DNAJC25: variants seen among roughly 807,000 people sequenced by gnomAD.
The protein encoded by DNAJC25 is DnaJ heat shock protein family (Hsp40) member C25, also known as dnaJ homolog subfamily C member 25.
DNAJC25 carries 26 observed loss-of-function variants against 42.1 expected under a neutral mutation model. That is an observed-to-expected ratio of 0.62 (90% CI 0.45 to 0.86). The LOEUF is 0.86. Ranked by LOEUF, DNAJC25 falls within the 40% of genes least tolerant of loss-of-function variation. DNAJC25 has a pLI of 0.00. For synonymous variants in DNAJC25, 189 were observed against 179.9 expected, an observed-to-expected ratio of 1.05 and a Z score of -0.40; for missense variants, 404 against 459.4, an observed-to-expected ratio of 0.88 and a Z score of 1.10.
chr9:111,633,303 A>C (rs1300273767), intron 1 of DNAJC25, among the ~76,000 whole-genome samples: 2 of 152,158 alleles, frequency 1.3e-5, no homozygotes, highest in African/African-American at 4.8e-5. Flanking sequence ...CGAGATGGTA[A>C]TAAGGTTGTG....
chr9:111,648,677 T>A (rs988455384), intron 2 of DNAJC25, among the ~76,000 whole-genome samples: 1 of 152,188 alleles, frequency 6.6e-6, no homozygotes, highest in African/African-American at 2.4e-5. Context: ...AGAGCAGGGA[T>A]AATTTTACTT....
chr9:111,652,602 C>A (rs1830680316), intron 3 of DNAJC25, among the ~76,000 whole-genome samples: 1 of 150,200 alleles, frequency 6.7e-6, no homozygotes, highest in African/African-American at 2.4e-5. Flanking sequence ...AGTGCAATGG[C>A]ATGATCTCAG....
intron 3 of DNAJC25, among the ~76,000 whole-genome samples, chr9:111,650,402 A>G (rs1198315198): frequency 6.6e-6 from 1 of 152,052 alleles, no homozygotes; most frequent in East Asian, 1.9e-4. Flanking sequence ...ACTGACATCT[A>G]TAGAAAGTTA....
In DNAJC25 at chr9:111,637,304, G is replaced by A. The variant is rs530948342; in HGVS notation, c.336+5561G>A. ...ACCCCTTAAGTTGTGTTCAGGAATC[G>A]GAACTTTATGTATTGAATAGTTACC... On this transcript the variant is annotated intron_variant, in intron 1 of 3. Coordinates refer to ENST00000313525, the MANE Select transcript of DNAJC25 (RefSeq NM_001015882.3). Among the ~76,000 whole-genome samples, 17 of 152,226 alleles carry A rather than the reference G, an allele frequency of 1.1e-4. No individual in the cohort carries two copies. In the South Asian group the frequency reaches 1.2e-3, roughly 11 times the overall value.
At position 111,631,352 on chromosome 9, in the gene DNAJC25, G is replaced by A. The variant is rs1035362094; in HGVS notation, c.-56G>A. On this transcript the variant is annotated 5_prime_UTR_variant, in exon 1 of 4. Transcript: ENST00000313525. ...TGGGGCCAGACGGGACTAGCCGGGC[G>A]CGCGGCTGAGTGCTGCAGAATCGCT... The A allele has an allele frequency of 1.6e-6, 2 of 1,252,634 alleles. No homozygotes were observed. The allele number at this position is 1,252,634 out of a possible 1,614,324, so 77.6% of individuals were successfully genotyped here. A position where few individuals can be genotyped will look rare whatever the true frequency, so the allele number is the denominator to read the frequency against.
chr9:111,649,118 T>A (rs55904536), intron 2 of DNAJC25, among the ~76,000 whole-genome samples: 30 of 152,128 alleles, frequency 2.0e-4, no homozygotes, highest in South Asian at 4.2e-4. Context: ...AGAAAAAAAA[T>A]TTTTTAAAGT....
At chr9:111,635,047 G>GT (rs1426366245) in intron 1 of DNAJC25, among the ~76,000 whole-genome samples, 1 of 152,172 alleles carries the variant, frequency 6.6e-6, no homozygotes, top group Non-Finnish European at 1.5e-5. Context: ...TGTATTTAGT[G>GT]TGTTTGACTT....
rs1830617643 is a variant in DNAJC25, at chr9:111,649,555, C to T, written c.592C>T (p.Leu198Phe). ...ATEIAKQQGL[L>F]KKAKEKGKNK... ...AGAGATTGCCAAGCAGCAGGGACTG[C>T]TCAAAAAAGCCAAAGAAAAAGGCAA... The change falls in exon 3 of 4, where the codon CTC becomes TTC. Residue 198 changes from leucine (L) to phenylalanine (F), a missense_variant. By Grantham distance (22) the Leu-to-Phe change is conservative (BLOSUM62 0). Coordinates refer to ENST00000313525, the MANE Select transcript of DNAJC25 (RefSeq NM_001015882.3). 1 of 1,613,946 alleles carries T rather than the reference C, an allele frequency of 6.2e-7. No homozygotes were observed. Among genetic ancestry groups the T allele is most frequent in the Non-Finnish European group, 8.5e-7 (1 of 1,179,994 alleles).
chr9:111,633,973 A>G (rs1391973572), intron 1 of DNAJC25, among the ~76,000 whole-genome samples: 1 of 152,200 alleles, frequency 6.6e-6, no homozygotes, highest in Non-Finnish European at 1.5e-5. Flanking sequence ...TGTGATAGCT[A>G]CAAATATCTT....
At chr9:111,641,229 G>T (rs1362311509) in intron 1 of DNAJC25, among the ~76,000 whole-genome samples, 2,343 of 119,508 alleles carry the variant, frequency 0.02, no homozygotes, top group East Asian at 0.049. Flanking sequence ...GGGAGGTGGG[G>T]GGGTCAGCCC....
intron 1 of DNAJC25, among the ~76,000 whole-genome samples, chr9:111,644,714 A>G (rs1267600654): frequency 6.6e-6 from 1 of 152,244 alleles, no homozygotes; most frequent in African/African-American, 2.4e-5. Flanking sequence ...ACTTGAAGAA[A>G]TACGTTTCAA....
At chr9:111,634,027 A>G (rs1258425941) in intron 1 of DNAJC25, among the ~76,000 whole-genome samples, 2 of 152,104 alleles carry the variant, frequency 1.3e-5, no homozygotes, top group Non-Finnish European at 2.9e-5. Flanking sequence ...GGAGGAGGGA[A>G]TGAGGGGAGT....
At chr9:111,634,058 C>A (rs76522856) in intron 1 of DNAJC25, among the ~76,000 whole-genome samples, 1 of 152,010 alleles carries the variant, frequency 6.6e-6, no homozygotes, top group Non-Finnish European at 1.5e-5. Flanking sequence ...TCCCCCAGAA[C>A]GCCCACTGTC....
At chr9:111,650,009 G>A (rs1247641336) in intron 3 of DNAJC25, 86 bp downstream of exon 3, 3 of 1,227,776 alleles carry the variant, frequency 2.4e-6, no homozygotes, top group Admixed American at 3.2e-5. Context: ...TCACAGAAGT[G>A]TGCTCACATT....
intron 2 of DNAJC25, among the ~76,000 whole-genome samples, chr9:111,648,732 A>G (rs926784226): frequency 6.6e-6 from 1 of 152,240 alleles, no homozygotes; most frequent in Non-Finnish European, 1.5e-5. Context: ...TTAAAAAAAT[A>G]TTCTTAATAG....
intron 2 of DNAJC25, among the ~76,000 whole-genome samples, chr9:111,648,993 G>C (rs1830607884): frequency 6.6e-6 from 1 of 152,092 alleles, no homozygotes; most frequent in Non-Finnish European, 1.5e-5. Flanking sequence ...AAAGAGATGG[G>C]AATGAATGTA....
intron 3 of DNAJC25, 91 bp from the exon 4 acceptor site, chr9:111,653,009 C>T: frequency 3.7e-6 from 5 of 1,340,416 alleles, no homozygotes; most frequent in Non-Finnish European, 4.8e-6. Context: ...TTTTACCTAA[C>T]ATTATGTTAG....
At chr9:111,641,744 C>T (rs1267501054) in intron 1 of DNAJC25, among the ~76,000 whole-genome samples, 241 of 81,848 alleles carry the variant, frequency 2.9e-3, no homozygotes, top group Middle Eastern at 0.012. Flanking sequence ...TCTGCCCGGC[C>T]GCCCCTACTG....
intron 1 of DNAJC25, among the ~76,000 whole-genome samples, chr9:111,645,558 A>G (rs916362366): frequency 6.6e-5 from 10 of 152,068 alleles, no homozygotes; most frequent in African/African-American, 2.2e-4. Flanking sequence ...CCCGGCCCAA[A>G]ATTCTTAATA....
Sources: allele counts gnomAD v4.1 joint callset (sites outside exome capture counted in the v4.1 genomes callset), GRCh38; gene constraint gnomAD v4.1.1; transcripts MANE v1.5; gene names NCBI Gene and HGNC (gene_info 2026-07-23, HGNC 2026-07-21).